PCNX2: variants seen among roughly 807,000 people sequenced by gnomAD.
PCNX2 encodes the protein pecanex-like protein 2.
In PCNX2, 168 loss-of-function variants were observed where a neutral mutation model predicts 223.8. That is an observed-to-expected ratio of 0.75 (90% CI 0.66 to 0.85). The LOEUF is 0.85. Among genes scored for constraint, PCNX2 ranks in the 40% least tolerant of loss-of-function variants. The probability of loss-of-function intolerance (pLI) is 0.00; values close to 1 mark genes in which losing one functional copy is unlikely to be tolerated. For synonymous variants in PCNX2, 1,006 were observed against 1,052.6 expected, an observed-to-expected ratio of 0.96 and a Z score of 0.86; for missense variants, 2,507 against 2,675.5, an observed-to-expected ratio of 0.94 and a Z score of 1.39.
chr1:233,248,674 C>T (rs777531730), intron 8 of PCNX2, among the ~76,000 whole-genome samples: 38 of 152,092 alleles, frequency 2.5e-4, no homozygotes, highest in Non-Finnish European at 4.4e-4. Context: ...TTGCTTAAAC[C>T]TGTTTGAGAT....
chr1:233,289,233 A>G (rs779531934), intron 1 of PCNX2: 39 of 927,096 alleles, frequency 4.2e-5, no homozygotes, highest in Non-Finnish European at 6.7e-5. Flanking sequence ...GATTTTCTGG[A>G]AAGATTTCAG....
At chr1:233,079,939 C>T (rs573910253) in intron 23 of PCNX2, among the ~76,000 whole-genome samples, 2 of 152,288 alleles carry the variant, frequency 1.3e-5, no homozygotes, top group Admixed American at 6.5e-5. Flanking sequence ...AACAATATAC[C>T]TCTGGGACAC....
intron 19 of PCNX2, among the ~76,000 whole-genome samples, chr1:233,152,502 A>G (rs953458021): frequency 6.6e-5 from 10 of 152,188 alleles, no homozygotes; most frequent in Non-Finnish European, 1.5e-4. Context: ...ACCCCTGCAT[A>G]GTTTTATGTT....
chr1:233,029,352 ATTG>A (rs1671188705), intron 25 of PCNX2, among the ~76,000 whole-genome samples: 1 of 152,180 alleles, frequency 6.6e-6, no homozygotes. Context: ...TATTTGTATT[ATTG>A]TTGTCAAACG....
the PCNX2 span, among the ~76,000 whole-genome samples, chr1:233,323,258 C>G: frequency 6.6e-6 from 1 of 152,200 alleles, no homozygotes; most frequent in Non-Finnish European, 1.5e-5. Flanking sequence ...AGGGTGCTGC[C>G]TCATACCCCA....
At position 233,239,152 on chromosome 1, in the gene PCNX2, A is replaced by G. The variant is rs147435542; in HGVS notation, c.2223-2172T>C. 1.5e-3 allele frequency among the ~76,000 whole-genome samples: 222 copies of G among 152,318 alleles called. 1 individual carries two copies. The highest frequency in any genetic ancestry group is 5.2e-3 in the African/African-American group (217 of 41,580). ...ACAAACAAAAGATTAAGCTAACTAC[A>G]TTGTAGGTAAGGTAGGTAATGATCA... On this transcript the variant is annotated intron_variant, in intron 8 of 33. Coordinates refer to ENST00000258229, the MANE Select transcript of PCNX2 (RefSeq NM_014801.4).
At chr1:233,161,965 T>C (rs1267477145) in intron 17 of PCNX2, among the ~76,000 whole-genome samples, 2 of 148,108 alleles carry the variant, frequency 1.4e-5, no homozygotes, top group South Asian at 4.2e-4. Context: ...ATTTTTTATA[T>C]ATATATATAT....
Position 233,055,239 on chromosome 1 carries a change from G to A in PCNX2, c.4136-756C>T, listed in dbSNP as rs138338411. Reference sequence around the variant, plus strand: ...GCTGTACCCTATTTGCATTTCCCCAGCAGTGATTGAGAGCTCTAATTCTGC... The same window carrying A: ...GCTGTACCCTATTTGCATTTCCCCAACAGTGATTGAGAGCTCTAATTCTGC... On this transcript the variant is annotated intron_variant, in intron 24 of 33. Coordinates refer to ENST00000258229, the MANE Select transcript of PCNX2 (RefSeq NM_014801.4). Among the ~76,000 whole-genome samples, 273 of 152,298 alleles carry A rather than the reference G, an allele frequency of 1.8e-3. 1 individual carries two copies. Among genetic ancestry groups the A allele is most frequent in the African/African-American group, 6.3e-3 (262 of 41,562 alleles).
At chr1:233,237,703 A>C (rs947701974) in intron 8 of PCNX2, among the ~76,000 whole-genome samples, 1 of 152,166 alleles carries the variant, frequency 6.6e-6, no homozygotes, top group African/African-American at 2.4e-5. Context: ...TTGGCTGCCT[A>C]CTCAACAGGC....
the PCNX2 span, among the ~76,000 whole-genome samples, chr1:233,326,448 C>T: frequency 6.6e-6 from 1 of 151,860 alleles, no homozygotes. Flanking sequence ...TGCAGAAGAC[C>T]CACTGTAAAA....
chr1:233,105,536 TAAGG>T, intron 21 of PCNX2, among the ~76,000 whole-genome samples: 1 of 152,162 alleles, frequency 6.6e-6, no homozygotes, highest in Non-Finnish European at 1.5e-5. Context: ...AGAAAATTAC[TAAGG>T]GAGACTAAAA....
rs1465364084 is a variant in PCNX2, at chr1:233,259,336, G to A, written c.526C>T (p.Leu176=). 1.2e-6 allele frequency: 2 copies of A among 1,608,968 alleles called. No homozygotes were observed. The highest frequency in any genetic ancestry group is 8.5e-7 in the Non-Finnish European group (1 of 1,176,822). The change falls in exon 5 of 34, where the codon CTA becomes TTA. Residue 176 remains leucine, a synonymous_variant. Coordinates refer to ENST00000258229, the MANE Select transcript of PCNX2 (RefSeq NM_014801.4). ...ETVEDLKGVI[L]LEDHPIAPVS... is the part of the protein sequence containing the mutation. ...GGTGCTATGGGATGGTCTTCTAATA[G>A]AATGACACCTGAAATGACACATGGC...
intron 9 of PCNX2, among the ~76,000 whole-genome samples, chr1:233,232,612 G>A (rs886508280): frequency 6.6e-6 from 1 of 152,016 alleles, no homozygotes; most frequent in Non-Finnish European, 1.5e-5. Flanking sequence ...AAAAATAAAT[G>A]TTACGATATT....
At chr1:233,283,465 C>G (rs1661290205) in intron 1 of PCNX2, among the ~76,000 whole-genome samples, 1 of 152,098 alleles carries the variant, frequency 6.6e-6, no homozygotes, top group Admixed American at 6.5e-5. Context: ...AAAGTACGAG[C>G]TAAGCCAGGA....
chr1:233,306,542 T>C, the PCNX2 span, among the ~76,000 whole-genome samples: 3 of 152,358 alleles, frequency 2.0e-5, no homozygotes, highest in African/African-American at 7.2e-5. Flanking sequence ...GGGCACATCT[T>C]TAAGCAAGTC....
intron 13 of PCNX2, among the ~76,000 whole-genome samples, chr1:233,205,865 G>T (rs1681419797): frequency 6.6e-6 from 1 of 152,150 alleles, no homozygotes; most frequent in African/African-American, 2.4e-5. Flanking sequence ...ATAAGCTAGT[G>T]AGAGGGACAG....
At chr1:233,255,816 C>A (rs1315933142) in intron 5 of PCNX2, among the ~76,000 whole-genome samples, 1 of 152,164 alleles carries the variant, frequency 6.6e-6, no homozygotes, top group Non-Finnish European at 1.5e-5. Flanking sequence ...AAACACCCAA[C>A]ATGTTGTTTT....
At chr1:233,112,711 GAAC>G in intron 21 of PCNX2, 1 of 744,558 alleles carries the variant, frequency 1.3e-6, no homozygotes, top group Non-Finnish European at 1.8e-6. Context: ...GTAGATCTTT[GAAC>G]AATATAACTA....
chr1:233,190,425 G>A (rs953906585), intron 15 of PCNX2, among the ~76,000 whole-genome samples: 1 of 152,152 alleles, frequency 6.6e-6, no homozygotes, highest in African/African-American at 2.4e-5. Context: ...TTCAAGTGGA[G>A]AGTCAGTCTG....
Sources: allele counts gnomAD v4.1 joint callset (sites outside exome capture counted in the v4.1 genomes callset), GRCh38; gene constraint gnomAD v4.1.1; transcripts MANE v1.5; gene names NCBI Gene and HGNC (gene_info 2026-07-23, HGNC 2026-07-21).